MATR3: variants seen among roughly 807,000 people sequenced by gnomAD.
The protein encoded by MATR3 is matrin-3.
MATR3 carries 4 observed loss-of-function variants against 85.5 expected under a neutral mutation model. That is an observed-to-expected ratio of 0.05 (90% CI 0.02 to 0.11). MATR3 has a LOEUF of 0.11. Among genes scored for constraint, MATR3 ranks in the 10% least tolerant of loss-of-function variants. MATR3 has a pLI of 1.00. For synonymous variants in MATR3, 336 were observed against 343.1 expected (o/e 0.98, Z 0.23); for missense variants, 685 against 1,016.1 (o/e 0.67, Z 4.43).
Position 139,278,246 on chromosome 5 carries a change from T to C in MATR3, c.-256-805T>C, listed in dbSNP as rs527699382. ...CTATCTCAAAAAATATATATATATATATACACACACACACACAATGCATTG... is the reference window on the plus strand; with the variant it reads ...CTATCTCAAAAAATATATATATATACATACACACACACACACAATGCATTG... On this transcript the variant is annotated intron_variant, in intron 2 of 16. Transcript: ENST00000509990. 697 of 427,984 alleles carry C rather than the reference T, an allele frequency of 1.6e-3. 4 individuals are homozygous for C. Among genetic ancestry groups the C allele is most frequent in the African/African-American group, 8.5e-3 (418 of 49,346 alleles). The allele number at this position is 427,984 out of a possible 1,614,324, so 26.5% of individuals were successfully genotyped here. A position where few individuals can be genotyped will look rare whatever the true frequency, so the allele number is the denominator to read the frequency against.
chr5:139,277,968 AC>A (rs1236002810), intron 2 of MATR3, among the ~76,000 whole-genome samples: 2 of 151,884 alleles, frequency 1.3e-5, no homozygotes, highest in Non-Finnish European at 2.9e-5. Flanking sequence ...GGTGGCTCGC[AC>A]CTGTATTCCC....
chr5:139,316,339 G>A (rs1755242039), intron 5 of MATR3, 151 bp downstream of exon 5: 2 of 652,462 alleles, frequency 3.1e-6, no homozygotes, highest in Non-Finnish European at 2.8e-6. Flanking sequence ...TCTGCCTCCT[G>A]GGTGCAAGCA....
upstream of MATR3, among the ~76,000 whole-genome samples, chr5:139,290,664 G>C (rs1753844617): frequency 6.6e-6 from 1 of 151,752 alleles, no homozygotes; most frequent in South Asian, 2.1e-4. Flanking sequence ...TGCCTATGAT[G>C]GTCTTGAACT....
chr5:139,284,293 A>AAAAGGAATTTGAGAAAATTTGTGAG (rs1753632843), intron 3 of MATR3, among the ~76,000 whole-genome samples: 1 of 152,204 alleles, frequency 6.6e-6, no homozygotes, highest in South Asian at 2.1e-4. Context: ...TAGGAAACTG[A>AAAAGGAATTTGAGAAAATTTGTGAG]ACGTAGCCTT....
At chr5:139,290,099 T>C (rs137964173), upstream of MATR3, among the ~76,000 whole-genome samples, 163 of 152,318 alleles carry the variant, frequency 1.1e-3, no homozygotes, top group South Asian at 3.5e-3. Context: ...CCCTGTCCAC[T>C]AAGTTTCCTT....
chr5:139,280,189 C>T (rs1753464102), intron 3 of MATR3: 1 of 152,176 alleles, frequency 6.6e-6, no homozygotes, highest in Admixed American at 6.5e-5. Context: ...TATTTATGGA[C>T]ACTGAATTAG....
At chr5:139,319,534 A>C (rs748595903) in intron 9 of MATR3, 33 bp downstream of exon 9, 7 of 1,569,138 alleles carry the variant, frequency 4.5e-6, no homozygotes, top group Non-Finnish European at 5.3e-6. Flanking sequence ...AGAGAAGATA[A>C]TTTATTAAAA....
intron 14 of MATR3, among the ~76,000 whole-genome samples, chr5:139,326,773 T>C (rs1029667500): frequency 1.3e-5 from 2 of 152,186 alleles, no homozygotes; most frequent in African/African-American, 4.8e-5. Context: ...GAACCTCTTG[T>C]CATAGTTTAC....
rs1191529191 is a variant in MATR3, at chr5:139,307,906, C to G, written c.491C>G (p.Ser164Cys). 1.2e-6 allele frequency: 2 copies of G among 1,614,066 alleles called. No homozygotes were observed. The highest frequency in any genetic ancestry group is 1.1e-5 in the South Asian group (1 of 91,054). ...TTGAGTTATGGTAGAGATGGCAGAT[C>G]TGCTACACGGGAGCCACCATACAGA... ...PTLSYGRDGRSATREPPYRVP... is the reference protein window; with the variant it reads ...PTLSYGRDGRCATREPPYRVP... The change falls in exon 2 of 15, where the codon TCT becomes TGT. Residue 164 changes from serine to cysteine, a missense_variant. Physicochemically the swap from Ser to Cys is moderately radical, Grantham distance 112. Around this residue, in one of 9 missense-constraint regions of MATR3, gnomAD observed 223 missense variants for 334.4 expected, o/e 0.67. Transcript: ENST00000394805. This position sits in a 1 kb window ranked among gnomAD's most constrained non-coding sequence, Gnocchi z 4.4.
At chr5:139,318,680 C>T (rs1320000555) in intron 7 of MATR3, among the ~76,000 whole-genome samples, 1 of 152,196 alleles carries the variant, frequency 6.6e-6, no homozygotes, top group Non-Finnish European at 1.5e-5. Flanking sequence ...CTTTCAACCT[C>T]GTGATCCGCC....
chr5:139,324,042 G>T (rs566581470), intron 12 of MATR3, among the ~76,000 whole-genome samples: 1 of 152,110 alleles, frequency 6.6e-6, no homozygotes, highest in South Asian at 2.1e-4. Flanking sequence ...TTTCTCACTA[G>T]AGCTGATCAT....
In MATR3 at chr5:139,330,760, G is replaced by C. The variant is rs1041521439; in HGVS notation, c.*1365G>C. The C allele has an allele frequency of 4.4e-6, 2 of 454,062 alleles. No homozygotes were observed. Among genetic ancestry groups the C allele is most frequent in the Admixed American group, 2.3e-5 (1 of 42,556 alleles). The allele number at this position is 454,062 out of a possible 1,614,324, so 28.1% of individuals were successfully genotyped here. On this transcript the variant is annotated 3_prime_UTR_variant, in exon 15 of 15. Transcript: ENST00000394805. ...TTCTGCAGCTTTTCAAAATAATTAC[G>C]TAGAGACTCTTGGTATATTGGATTA...
intron 12 of MATR3, among the ~76,000 whole-genome samples, chr5:139,323,842 G>GATC (rs1422607439): frequency 6.6e-6 from 1 of 151,888 alleles, no homozygotes; most frequent in Non-Finnish European, 1.5e-5. Context: ...AGTTAGCCAA[G>GATC]ATCACATCAC....
At chr5:139,327,432 A>AT (rs1252329373) in intron 14 of MATR3, among the ~76,000 whole-genome samples, 3 of 150,398 alleles carry the variant, frequency 2.0e-5, no homozygotes, top group East Asian at 3.9e-4. Flanking sequence ...ATTTTATTTT[A>AT]TTTTTTTGAG....
At chr5:139,323,665 T>C (rs1755693869) in intron 12 of MATR3, among the ~76,000 whole-genome samples, 1 of 152,276 alleles carries the variant, frequency 6.6e-6, no homozygotes, top group South Asian at 2.1e-4. Context: ...CCCAGCACTT[T>C]GGGAGGCCCA....
At chr5:139,278,976 A>G (rs527641003) in intron 2 of MATR3, 37 of 516,400 alleles carry the variant, frequency 7.2e-5, no homozygotes, top group Non-Finnish European at 1.2e-4. Flanking sequence ...GGGTGCAAAC[A>G]ATTTTTTTCT....
intron 3 of MATR3, among the ~76,000 whole-genome samples, chr5:139,284,848 T>TTATAA (rs1442699566): frequency 6.6e-6 from 1 of 152,212 alleles, no homozygotes; most frequent in South Asian, 2.1e-4. Context: ...AAGTGTATAA[T>TTATAA]TATAATATGT....
chr5:139,275,603 C>A (rs557440622), intron 1 of MATR3, among the ~76,000 whole-genome samples: 2 of 152,280 alleles, frequency 1.3e-5, no homozygotes, highest in South Asian at 4.1e-4. Flanking sequence ...GCTTATATTT[C>A]ACTTAAGCCT....
intron 1 of MATR3, among the ~76,000 whole-genome samples, chr5:139,301,566 C>G (rs1484969139): frequency 6.6e-6 from 1 of 152,098 alleles, no homozygotes; most frequent in Non-Finnish European, 1.5e-5. Context: ...AAGTGATCCT[C>G]TCGCCTCGGC....
Sources: gnomAD v4.1 joint callset for allele counts (sites outside exome capture counted in the v4.1 genomes callset) on GRCh38, gnomAD v4.1.1 for gene constraint, gnomAD v4.1.1 regional missense constraint, Gnocchi (gnomAD v3.1) non-coding constraint, MANE v1.5 for transcripts, NCBI Gene and HGNC (gene_info 2026-07-23, HGNC 2026-07-21) for gene names.